Variants in DPYD observed in about 807,000 individuals in gnomAD.
DPYD encodes the protein dihydropyrimidine dehydrogenase.
Under a neutral mutation model 116.2 loss-of-function variants are expected in DPYD, and 109 were observed. The ratio of observed to expected loss-of-function variants is 0.94; its 90% CI spans 0.80 to 1.10. The LOEUF (loss-of-function observed/expected upper bound fraction) is 1.10. Ranked by LOEUF, DPYD falls within the 50% of genes least tolerant of loss-of-function variation. DPYD has a pLI of 0.00. For synonymous variants in DPYD, 440 were observed against 432.0 expected (o/e 1.02, Z -0.23); for missense variants, 1,302 against 1,254.5 (o/e 1.04, Z -0.57).
chr1:97,115,319 G>T (rs1651887029), intron 20 of DPYD, among the ~76,000 whole-genome samples: 2 of 152,114 alleles, frequency 1.3e-5, no homozygotes, highest in African/African-American at 4.8e-5. Flanking sequence ...TACCAGCATT[G>T]GCCCCCATGA....
Position 97,827,126 on chromosome 1 carries a change from A to G in DPYD, c.233+988T>C, listed in dbSNP as rs532351054. On this transcript the variant is annotated intron_variant, in intron 3 of 22. Coordinates refer to ENST00000370192, the MANE Select transcript of DPYD (RefSeq NM_000110.4). ...ACTAAATGAGAGCAGCTTCTAAACTAAAGTATATGGTAACTGTGTGCTAGC... is the reference window on the plus strand; with the variant it reads ...ACTAAATGAGAGCAGCTTCTAAACTGAAGTATATGGTAACTGTGTGCTAGC... 1.2e-3 allele frequency among the ~76,000 whole-genome samples: 187 copies of G among 152,206 alleles called. No homozygotes were observed. The Middle Eastern group carries it at 0.024, about 19-fold the overall frequency.
chr1:97,318,319 C>T (rs1667994530), intron 16 of DPYD, among the ~76,000 whole-genome samples: 1 of 124,586 alleles, frequency 8.0e-6, no homozygotes, highest in African/African-American at 2.7e-5. Flanking sequence ...CATTAGTGTG[C>T]TGTATTCAGG....
In DPYD at chr1:97,487,971, C is replaced by T. The variant is rs563989331; in HGVS notation, c.1740+27755G>A. 4.6e-5 allele frequency among the ~76,000 whole-genome samples: 7 copies of T among 152,136 alleles called. No individual in the cohort carries two copies. In the South Asian group the frequency reaches 1.5e-3, roughly 32 times the overall value. On this transcript the variant is annotated intron_variant, in intron 13 of 22. Coordinates refer to ENST00000370192, the MANE Select transcript of DPYD (RefSeq NM_000110.4). Reference sequence around the variant, plus strand: ...CTTATGTCCAAACAAAAGGAGTACACAAATTTTCATAGCAACTTTATTTGT... The same window carrying T: ...CTTATGTCCAAACAAAAGGAGTACATAAATTTTCATAGCAACTTTATTTGT...
At chr1:97,545,228 TGTACTTTCTTGA>T (rs1270078684) in intron 12 of DPYD, among the ~76,000 whole-genome samples, 5 of 152,174 alleles carry the variant, frequency 3.3e-5, no homozygotes, top group Non-Finnish European at 7.4e-5. Context: ...ATCTTTTAAC[TGTACTTTCTTGA>T]GCGTATCTCT....
intron 1 of DPYD, among the ~76,000 whole-genome samples, 169 bp downstream of exon 1, chr1:97,920,715 G>C (rs1257611954): frequency 6.6e-6 from 1 of 152,186 alleles, no homozygotes; most frequent in Non-Finnish European, 1.5e-5. Flanking sequence ...TGCCCACGCG[G>C]GCCTGTGGCT....
intron 1 of DPYD, among the ~76,000 whole-genome samples, chr1:97,914,258 T>C (rs1245900455): frequency 2.0e-5 from 3 of 152,134 alleles, no homozygotes; most frequent in African/African-American, 4.8e-5. Context: ...TCCAACCAAC[T>C]GTTTCCTAGG....
At chr1:97,180,099 T>C (rs1205911156) in intron 20 of DPYD, among the ~76,000 whole-genome samples, 2 of 152,090 alleles carry the variant, frequency 1.3e-5, no homozygotes, top group African/African-American at 2.4e-5. Flanking sequence ...AATTTAATTA[T>C]GGTTTGTTTT....
At chr1:97,761,549 AAAGGGAATT>A (rs1227162982) in intron 3 of DPYD, among the ~76,000 whole-genome samples, 1 of 152,154 alleles carries the variant, frequency 6.6e-6, no homozygotes, top group Non-Finnish European at 1.5e-5. Flanking sequence ...GTTGCTGAGA[AAAGGGAATT>A]CTTACACACT....
intron 12 of DPYD, among the ~76,000 whole-genome samples, chr1:97,528,812 TC>T (rs1649346700): frequency 6.6e-6 from 1 of 152,166 alleles, no homozygotes; most frequent in Admixed American, 6.5e-5. Flanking sequence ...ACTTCTGCAT[TC>T]TCCTTGCCTC....
intron 5 of DPYD, among the ~76,000 whole-genome samples, chr1:97,708,851 T>C (rs1381507435): frequency 6.6e-6 from 1 of 151,970 alleles, no homozygotes; most frequent in East Asian, 1.9e-4. Flanking sequence ...ATATTATACC[T>C]ATTTCATTAG....
chr1:97,492,436 A>G (rs1158422536), intron 13 of DPYD, among the ~76,000 whole-genome samples: 1 of 152,128 alleles, frequency 6.6e-6, no homozygotes, highest in South Asian at 2.1e-4. Flanking sequence ...TCTACTCCCT[A>G]TTCACATAAC....
intron 20 of DPYD, among the ~76,000 whole-genome samples, chr1:97,179,705 C>T (rs756134037): frequency 6.6e-6 from 1 of 152,072 alleles, no homozygotes; most frequent in Non-Finnish European, 1.5e-5. Context: ...CAGCATTAGT[C>T]ACATTTTCTG....
chr1:97,798,857 T>C (rs1667714073), intron 3 of DPYD, among the ~76,000 whole-genome samples: 1 of 152,028 alleles, frequency 6.6e-6, no homozygotes, highest in Non-Finnish European at 1.5e-5. Flanking sequence ...ATTTGTTAAG[T>C]ATCTATGTAC....
intron 8 of DPYD, among the ~76,000 whole-genome samples, chr1:97,607,514 C>CA (rs914297743): frequency 1.1e-4 from 17 of 150,932 alleles, no homozygotes; most frequent in African/African-American, 2.4e-4. Context: ...AAATTGTTAG[C>CA]AAAAAAAATG....
At chr1:97,257,376 T>C (rs996756201) in intron 18 of DPYD, among the ~76,000 whole-genome samples, 1 of 150,990 alleles carries the variant, frequency 6.6e-6, no homozygotes, top group Non-Finnish European at 1.5e-5. Context: ...GAAATGTATT[T>C]TCTGAGAGCA....
chr1:97,515,899 G>A lies in DPYD; in HGVS notation c.1567C>T (p.Leu523Phe). The A allele has an allele frequency of 1.2e-6, 2 of 1,612,834 alleles. No individual in the cohort carries two copies. Among genetic ancestry groups the A allele is most frequent in the Non-Finnish European group, 1.7e-6 (2 of 1,179,200 alleles). ...ACCAGATCAATAGGAGTGTAAAAGA[G>A]GGGTAGTTCAGGCTTGGCAGAAACG... is the stretch of plus-strand genomic sequence containing the variant. The part of the protein sequence containing the change: ...ASVSAKPELP[L>F]FYTPIDLVDI... Residue 523 changes from leucine (L) to phenylalanine (F), a missense_variant, in exon 13 of 23, where the codon CTC becomes TTC. Coordinates refer to ENST00000370192, the MANE Select transcript of DPYD (RefSeq NM_000110.4).
chr1:97,172,630 C>T (rs781776416), intron 20 of DPYD, among the ~76,000 whole-genome samples: 1 of 152,136 alleles, frequency 6.6e-6, no homozygotes, highest in Non-Finnish European at 1.5e-5. Context: ...CTAATAGAAT[C>T]TTCTCGTCAC....
At chr1:97,179,607 G>A (rs1657511052) in intron 20 of DPYD, among the ~76,000 whole-genome samples, 1 of 152,106 alleles carries the variant, frequency 6.6e-6, no homozygotes, top group African/African-American at 2.4e-5. Context: ...TGGTGTAAGG[G>A]GCTGGGAGTG....
At chr1:97,882,471 C>T (rs558424085) in intron 2 of DPYD, among the ~76,000 whole-genome samples, 6 of 152,092 alleles carry the variant, frequency 3.9e-5, no homozygotes, top group African/African-American at 9.6e-5. Flanking sequence ...AGTATATACA[C>T]GGTTCCAATT....
Sources: allele counts gnomAD v4.1 joint callset (sites outside exome capture counted in the v4.1 genomes callset), GRCh38; gene constraint gnomAD v4.1.1; transcripts MANE v1.5; gene names NCBI Gene and HGNC (gene_info 2026-07-23, HGNC 2026-07-21).